TRPM3: variants seen among roughly 807,000 people sequenced by gnomAD.
TRPM3 encodes the protein transient receptor potential cation channel subfamily M member 3.
In TRPM3, 77 loss-of-function variants were observed where a neutral mutation model predicts 181.2. That is an observed-to-expected ratio of 0.42 (90% CI 0.35 to 0.51). The LOEUF is 0.51. TRPM3 is among the 20% of genes least tolerant of loss of function. The pLI is 0.01. For synonymous variants in TRPM3, 745 were observed against 796.4 expected, an observed-to-expected ratio of 0.94 and a Z score of 1.09; for missense variants, 1,759 against 2,196.7, an observed-to-expected ratio of 0.80 and a Z score of 3.98.
At chr9:70,773,807 A>G (rs2080828344) in intron 7 of TRPM3, among the ~76,000 whole-genome samples, 1 of 152,222 alleles carries the variant, frequency 6.6e-6, no homozygotes, top group Admixed American at 6.5e-5. Context: ...GAGTCGACGA[A>G]AAAATGGACC....
chr9:71,233,440 C>T (rs2081187560), intron 1 of TRPM3, among the ~76,000 whole-genome samples: 1 of 152,232 alleles, frequency 6.6e-6, no homozygotes, highest in South Asian at 2.1e-4. Flanking sequence ...TTGCTCAATT[C>T]TTGGTATAGG....
chr9:70,993,784 C>CAAAA (rs745913831), intron 1 of TRPM3, among the ~76,000 whole-genome samples: 4 of 66,632 alleles, frequency 6.0e-5, no homozygotes, highest in East Asian at 4.4e-4. Flanking sequence ...GATTCCATCT[C>CAAAA]AAAAAAAAAA....
intron 22 of TRPM3, among the ~76,000 whole-genome samples, chr9:70,560,765 C>T (rs982697626): frequency 3.3e-5 from 5 of 152,106 alleles, no homozygotes; most frequent in African/African-American, 4.8e-5. Context: ...TGGCCTGAGC[C>T]GTTCAGATGA....
intron 1 of TRPM3, among the ~76,000 whole-genome samples, chr9:71,201,560 GC>G (rs1196336902): frequency 1.3e-5 from 2 of 152,138 alleles, no homozygotes; most frequent in Admixed American, 6.5e-5. Flanking sequence ...TTTCTTGGAG[GC>G]TTTGTTCGTT....
chr9:71,116,427 G>A (rs1770746059), intron 1 of TRPM3, among the ~76,000 whole-genome samples: 1 of 152,182 alleles, frequency 6.6e-6, no homozygotes, highest in African/African-American at 2.4e-5. Context: ...ATTCCTTGAA[G>A]AGTTTGAGAA....
At chr9:71,359,786 G>A (rs111968599) in intron 1 of TRPM3, among the ~76,000 whole-genome samples, 50 of 152,122 alleles carry the variant, frequency 3.3e-4, no homozygotes, top group African/African-American at 1.1e-3. Context: ...ATGATCTTGG[G>A]TTTAAGATAC....
In TRPM3 at chr9:70,827,624, T is replaced by C. The variant is rs569621845; in HGVS notation, c.973+223A>G. 4 of 452,480 alleles carry C rather than the reference T, an allele frequency of 8.8e-6. No homozygotes were observed. In the East Asian group the frequency reaches 1.1e-4, roughly 12 times the overall value. 28.0% of individuals were successfully genotyped at this position (452,480 alleles called of 1,614,324 possible). A position where few individuals can be genotyped will look rare whatever the true frequency, so the allele number is the denominator to read the frequency against. On this transcript the variant is annotated intron_variant, in intron 6 of 25. Coordinates refer to ENST00000677713, the MANE Select transcript of TRPM3 (RefSeq NM_001366145.2). ...CAGATGGAGTTGAATTTTTCACACA[T>C]GATACATAAGCTGGAGTCACTAATT...
intron 1 of TRPM3, among the ~76,000 whole-genome samples, chr9:71,174,866 A>C (rs1408177290): frequency 2.0e-5 from 3 of 152,120 alleles, no homozygotes; most frequent in Non-Finnish European, 4.4e-5. Context: ...CTGAGAGAGG[A>C]CAGCGCACTT....
At chr9:70,779,769 AT>A (rs2082115069) in intron 7 of TRPM3, among the ~76,000 whole-genome samples, 1 of 152,186 alleles carries the variant, frequency 6.6e-6, no homozygotes. Context: ...TAGAAATAAA[AT>A]TTGATAATAT....
chr9:71,035,982 C>CTTTT (rs35101881), intron 1 of TRPM3, among the ~76,000 whole-genome samples: 5 of 98,204 alleles, frequency 5.1e-5, no homozygotes, highest in African/African-American at 7.9e-5. Context: ...CAAACATAGG[C>CTTTT]TTTTTTTTTT....
At chr9:70,941,600 C>A (rs1007406203) in intron 1 of TRPM3, among the ~76,000 whole-genome samples, 7 of 152,116 alleles carry the variant, frequency 4.6e-5, no homozygotes, top group African/African-American at 1.4e-4. Flanking sequence ...TCTAGAGAAC[C>A]CTGACTAATA....
At chr9:71,290,230 C>T (rs907509930) in intron 1 of TRPM3, among the ~76,000 whole-genome samples, 18 of 151,636 alleles carry the variant, frequency 1.2e-4, no homozygotes, top group African/African-American at 3.6e-4. Flanking sequence ...GATAAGATAC[C>T]GGGTTATATA....
intron 9 of TRPM3, among the ~76,000 whole-genome samples, chr9:70,650,874 G>A (rs1374764659): frequency 6.6e-6 from 1 of 152,034 alleles, no homozygotes; most frequent in Non-Finnish European, 1.5e-5. Flanking sequence ...ACTCTTACCT[G>A]AATTTTGGCA....
At chr9:71,166,789 CGTAAAA>C (rs1486563229) in intron 1 of TRPM3, among the ~76,000 whole-genome samples, 2 of 151,986 alleles carry the variant, frequency 1.3e-5, no homozygotes, top group Non-Finnish European at 2.9e-5. Context: ...TCTTTGATTA[CGTAAAA>C]GTAAATTTAG....
intron 6 of TRPM3, among the ~76,000 whole-genome samples, chr9:70,790,445 AAC>A (rs1428238555): frequency 6.6e-6 from 1 of 152,202 alleles, no homozygotes; most frequent in Admixed American, 6.5e-5. Context: ...CAGTAACATG[AAC>A]ACAGTTAGCA....
At chr9:71,301,295 T>C (rs969796606) in intron 1 of TRPM3, among the ~76,000 whole-genome samples, 1 of 152,204 alleles carries the variant, frequency 6.6e-6, no homozygotes, top group Non-Finnish European at 1.5e-5. Context: ...AGTAATTTTG[T>C]ACTGTATAGA....
chr9:70,982,431 T>C (rs1590278230), intron 1 of TRPM3, among the ~76,000 whole-genome samples: 1 of 152,190 alleles, frequency 6.6e-6, no homozygotes, highest in East Asian at 1.9e-4. Flanking sequence ...TCTTCTTCTC[T>C]CCTGGTAGAT....
intron 1 of TRPM3, among the ~76,000 whole-genome samples, chr9:71,194,068 C>T (rs531477119): frequency 6.6e-6 from 1 of 152,018 alleles, no homozygotes; most frequent in African/African-American, 2.4e-5. Flanking sequence ...TTTTACATGA[C>T]ACTGTTTACA....
In TRPM3 at chr9:70,892,327, G is replaced by T. The variant is rs538427473; in HGVS notation, c.178-27816C>A. 1.4e-4 allele frequency among the ~76,000 whole-genome samples: 21 copies of T among 152,050 alleles called. No homozygotes were observed. In the East Asian group the frequency reaches 4.1e-3, roughly 29 times the overall value. ...TATGAGAGTCTGAACATAAAAAAAG[G>T]CATCTGTAAATTCGTAGAAATACCT... On this transcript the variant is annotated intron_variant, in intron 1 of 25. Transcript: ENST00000677713.
Sources: allele counts gnomAD v4.1 joint callset (sites outside exome capture counted in the v4.1 genomes callset), GRCh38; gene constraint gnomAD v4.1.1; transcripts MANE v1.5; gene names NCBI Gene and HGNC (gene_info 2026-07-23, HGNC 2026-07-21).